Variants in HESX1 observed in about 807,000 individuals in gnomAD.
The protein encoded by HESX1 is HESX homeobox 1.
Under a neutral mutation model 22.5 loss-of-function variants are expected in HESX1, and 11 were observed. That is an observed-to-expected ratio of 0.49 (90% CI 0.31 to 0.81). The LOEUF (loss-of-function observed/expected upper bound fraction) is 0.81. Ranked by LOEUF, HESX1 falls within the 30% of genes least tolerant of loss-of-function variation. The pLI, the probability that HESX1 is intolerant of heterozygous loss-of-function variation, is 0.05. For synonymous variants in HESX1, 74 were observed against 76.5 expected, an observed-to-expected ratio of 0.97 and a Z score of 0.17; for missense variants, 201 against 212.6, an observed-to-expected ratio of 0.95 and a Z score of 0.34.
intron 1 of HESX1, among the ~76,000 whole-genome samples, chr3:57,225,881 CTTT>C (rs540522007): frequency 8.3e-5 from 11 of 132,118 alleles, no homozygotes; most frequent in Admixed American, 2.3e-4. Flanking sequence ...CTTTTCTTTT[CTTT>C]TTTTTTTTTT....
chr3:57,208,472 T>A (rs762779532), intron 1 of HESX1, among the ~76,000 whole-genome samples: 2 of 151,724 alleles, frequency 1.3e-5, no homozygotes, highest in Admixed American at 1.3e-4. Context: ...TCAGCCTCCC[T>A]AGCAGCAGGG....
chr3:57,211,772 G>A (rs2060555811), intron 1 of HESX1, among the ~76,000 whole-genome samples: 1 of 151,920 alleles, frequency 6.6e-6, no homozygotes, highest in Non-Finnish European at 1.5e-5. Context: ...GGTAGACGTT[G>A]CAGTGAGGTG....
At chr3:57,220,910 T>TC (rs2060611972) in intron 1 of HESX1, among the ~76,000 whole-genome samples, 1 of 152,172 alleles carries the variant, frequency 6.6e-6, no homozygotes, top group Non-Finnish European at 1.5e-5. Context: ...CCTCAGGCTT[T>TC]CCCCTGGCTT....
At chr3:57,210,944 C>T (rs34827611) in intron 1 of HESX1, among the ~76,000 whole-genome samples, 37,797 of 152,042 alleles carry the variant, frequency 0.25, 5,886 homozygotes, top group East Asian at 0.52. Flanking sequence ...TTAGGCTGGG[C>T]GCAGTGGCTC....
intron 1 of HESX1, among the ~76,000 whole-genome samples, chr3:57,221,133 C>T (rs2060613671): frequency 6.6e-6 from 1 of 151,950 alleles, no homozygotes; most frequent in Non-Finnish European, 1.5e-5. Flanking sequence ...AAAATTGCAG[C>T]TGCCCCGGCT....
At chr3:57,205,750 A>G (rs1407695520) in intron 1 of HESX1, among the ~76,000 whole-genome samples, 2 of 151,984 alleles carry the variant, frequency 1.3e-5, no homozygotes, top group Admixed American at 6.6e-5. Context: ...CTCTTCCAGC[A>G]CTCCTGACAT....
intron 1 of HESX1, 141 bp downstream of exon 1, chr3:57,199,621 G>GAAA: frequency 2.7e-5 from 10 of 364,198 alleles, no homozygotes; most frequent in Non-Finnish European, 4.0e-5. Flanking sequence ...CTCTGTCTCA[G>GAAA]AAAAAAAAAA....
intron 1 of HESX1, among the ~76,000 whole-genome samples, chr3:57,213,946 A>C (rs989497177): frequency 6.6e-6 from 1 of 152,188 alleles, no homozygotes; most frequent in Non-Finnish European, 1.5e-5. Context: ...TAAACTTTTC[A>C]ATGATAACAA....
At chr3:57,220,580 C>G (rs1054393350) in intron 1 of HESX1, among the ~76,000 whole-genome samples, 1 of 152,114 alleles carries the variant, frequency 6.6e-6, no homozygotes, top group Non-Finnish European at 1.5e-5. Context: ...CAGGCGTGCA[C>G]CACCACTGCC....
At chr3:57,221,731 C>T (rs1047089946) in intron 1 of HESX1, among the ~76,000 whole-genome samples, 10 of 152,256 alleles carry the variant, frequency 6.6e-5, no homozygotes, top group South Asian at 4.1e-4. Flanking sequence ...CTCAGCCTCC[C>T]GAGCAGCTGG....
chr3:57,225,881 C>CTTTTTTTTT (rs540522007), intron 1 of HESX1, among the ~76,000 whole-genome samples: 4 of 132,130 alleles, frequency 3.0e-5, no homozygotes, highest in South Asian at 2.4e-4. Context: ...CTTTTCTTTT[C>CTTTTTTTTT]TTTTTTTTTT....
At chr3:57,202,816 T>C (rs1011117748), upstream of HESX1, among the ~76,000 whole-genome samples, 36 of 152,212 alleles carry the variant, frequency 2.4e-4, no homozygotes, top group African/African-American at 8.2e-4. Context: ...AGGTCGATGG[T>C]CGATGGTGGA....
chr3:57,209,498 G>C (rs537948705), intron 1 of HESX1, among the ~76,000 whole-genome samples: 1 of 151,944 alleles, frequency 6.6e-6, no homozygotes, highest in South Asian at 2.1e-4. Context: ...AAAATTAGCT[G>C]GGTGTGGTGG....
intron 1 of HESX1, among the ~76,000 whole-genome samples, chr3:57,214,054 G>A (rs1285212416): frequency 6.6e-6 from 1 of 152,170 alleles, no homozygotes; most frequent in East Asian, 1.9e-4. Flanking sequence ...TGATTAAGAG[G>A]ATAGTAATTA....
intron 1 of HESX1, among the ~76,000 whole-genome samples, chr3:57,214,890 A>G (rs1012947161): frequency 2.6e-5 from 4 of 152,162 alleles, no homozygotes; most frequent in African/African-American, 9.6e-5. Flanking sequence ...ATTAACTAAG[A>G]AGGGAATATA....
chr3:57,222,408 G>A (rs1199811574), intron 1 of HESX1, among the ~76,000 whole-genome samples: 1 of 152,042 alleles, frequency 6.6e-6, no homozygotes, highest in Non-Finnish European at 1.5e-5. Flanking sequence ...ACAGGCATGT[G>A]CCACCACACC....
intron 1 of HESX1, among the ~76,000 whole-genome samples, chr3:57,215,408 T>C (rs1461563696): frequency 1.3e-5 from 2 of 152,172 alleles, no homozygotes; most frequent in African/African-American, 2.4e-5. Context: ...GTCTTACCAC[T>C]GTCCAGGACC....
chr3:57,198,242 C>T lies in HESX1; in HGVS notation c.513G>A (p.Gln171=), dbSNP rs548383463. 12 of 1,613,116 alleles carry T rather than the reference C, an allele frequency of 7.4e-6. 1 individual carries two copies. In the East Asian group the frequency reaches 1.8e-4, roughly 24 times the overall value. ...TGAAATTTTTTTTCGCCATTAGAAA[C>T]TGTGATTCTCTATGGGACCTTTTCA... ...AKLKRSHRES[Q]FLMAKKNFNT... Residue 171 remains glutamine (Q), a synonymous_variant, in exon 4 of 4, where the codon CAG becomes CAA. Coordinates refer to ENST00000295934, the MANE Select transcript of HESX1 (RefSeq NM_003865.3).
chr3:57,208,472 T>G (rs762779532), intron 1 of HESX1, among the ~76,000 whole-genome samples: 7 of 151,724 alleles, frequency 4.6e-5, no homozygotes, highest in Non-Finnish European at 7.4e-5. Flanking sequence ...TCAGCCTCCC[T>G]AGCAGCAGGG....
Sources: gnomAD v4.1 joint callset for allele counts (sites outside exome capture counted in the v4.1 genomes callset) on GRCh38, gnomAD v4.1.1 for gene constraint, MANE v1.5 for transcripts, NCBI Gene and HGNC (gene_info 2026-07-23, HGNC 2026-07-21) for gene names.